Variants in CCDC28B observed in about 807,000 individuals in gnomAD.
CCDC28B encodes coiled-coil domain containing 28B, also known as coiled-coil domain-containing protein 28B.
CCDC28B carries 17 observed loss-of-function variants against 18.7 expected under a neutral mutation model. That is an observed-to-expected ratio of 0.91 (90% CI 0.62 to 1.36). The LOEUF is 1.36. Among genes scored for constraint, CCDC28B ranks in the 40% most tolerant of loss-of-function variants. The pLI is 0.00. For missense variants in CCDC28B, 213 were observed against 251.7 expected (o/e 0.85, Z 1.04); for synonymous variants, 116 against 105.1 (o/e 1.10, Z -0.64).
In CCDC28B at chr1:32,205,328, GC is replaced by G; in HGVS notation, c.*86del. ...TACAGACTCGGGCGGGTGTTCTGCG[GC>G]CCCCCAGGTGCTATGGGGGAGGGGG... is the stretch of plus-strand genomic sequence containing the variant. On this transcript the variant is annotated 3_prime_UTR_variant, in exon 6 of 6. Coordinates refer to ENST00000373602, the MANE Select transcript of CCDC28B (RefSeq NM_024296.5). The surrounding 1 kb of genome is among the most constrained non-coding windows in gnomAD (Gnocchi z 5.6). The G allele has an allele frequency of 7.0e-7, 1 of 1,422,110 alleles. No homozygotes were observed. The highest frequency in any genetic ancestry group is 9.5e-7 in the Non-Finnish European group (1 of 1,051,394). 88.1% of individuals were successfully genotyped at this position (1,422,110 alleles called of 1,614,324 possible).
chr1:32,202,376 G>A, intron 2 of CCDC28B: 1 of 620,472 alleles, frequency 1.6e-6, no homozygotes, highest in Non-Finnish European at 3.0e-6. Context: ...ACGCTGAGAG[G>A]CTTACCTGGT....
chr1:32,202,086 G>C lies in CCDC28B; in HGVS notation c.151G>C (p.Ala51Pro). The C allele has an allele frequency of 6.2e-7, 1 of 1,612,700 alleles. No individual in the cohort carries two copies. The highest frequency in any genetic ancestry group is 8.5e-7 in the Non-Finnish European group (1 of 1,179,284). ...LPHLPSPKQRAKFKRVGKEKC... is the reference protein window; with the variant it reads ...LPHLPSPKQRPKFKRVGKEKC... ...TCATCTGCCATCCCCCAAGCAGCGGGCCAAGTTCAAGAGGTGGGTACAGAA... is the reference window on the plus strand; with the variant it reads ...TCATCTGCCATCCCCCAAGCAGCGGCCCAAGTTCAAGAGGTGGGTACAGAA... The change falls in exon 2 of 6, where the codon GCC (alanine) becomes CCC (proline). Residue 51 changes from alanine (A) to proline (P), a missense_variant. Transcript: ENST00000373602.
Position 32,204,017 on chromosome 1 carries a change from T to C in CCDC28B, c.303T>C (p.Asp101=). ...MEGGLLNLLN[D]FHSGRLQAFG... is the part of the protein sequence containing the mutation. ...GGGGACTCCTGAACCTGCTCAATGA[T>C]TTCCACTCTGGCCGGCTGCAGGCCT... Residue 101 remains aspartate (D), a synonymous_variant, in exon 3 of 6, where the codon GAT becomes GAC. Transcript: ENST00000373602. The C allele has an allele frequency of 2.6e-6, 4 of 1,557,414 alleles. No individual in the cohort carries two copies. The highest frequency in any genetic ancestry group is 1.2e-5 in the South Asian group (1 of 81,390).
rs184793648 is a variant in CCDC28B, at chr1:32,200,896, A to G, written c.-24+187A>G. On this transcript the variant is annotated intron_variant, in intron 1 of 5. Coordinates refer to ENST00000373602, the MANE Select transcript of CCDC28B (RefSeq NM_024296.5). ...CACAGGCTCCGGCTCCAGTTCTTCT[A>G]TCAGGTCCCTAATTGGGTCAAGCTG... 2.6e-4 allele frequency among the ~76,000 whole-genome samples: 39 copies of G among 152,238 alleles called. No homozygotes were observed. The East Asian group carries it at 6.9e-3, about 27-fold the overall frequency.
Position 32,204,373 on chromosome 1 carries a change from T to C in CCDC28B, c.519T>C (p.Leu173=). Residue 173 remains leucine, a synonymous_variant, in exon 4 of 6, where the codon CTT becomes CTC. Transcript: ENST00000373602. ...TMADRNLDQL[L]SNLEDLSNSI... is the part of the protein sequence containing the mutation. ...CTGACCGTAACCTGGACCAGCTGCT[T>C]AGCAATGTGGGTTCATGTCTGGGTG... 1 of 1,575,590 alleles carries C rather than the reference T, an allele frequency of 6.3e-7. No individual in the cohort carries two copies. Among genetic ancestry groups the C allele is most frequent in the Non-Finnish European group, 8.6e-7 (1 of 1,160,432 alleles).
upstream of CCDC28B, among the ~76,000 whole-genome samples, chr1:32,198,761 GA>G (rs1483506187): frequency 6.6e-6 from 1 of 152,206 alleles, no homozygotes; most frequent in African/African-American, 2.4e-5. Flanking sequence ...GGGACTGGGA[GA>G]GGGGGTGAGG....
chr1:32,204,467 G>T, intron 4 of CCDC28B, 88 bp downstream of exon 4: 1 of 1,514,990 alleles, frequency 6.6e-7, no homozygotes, highest in Non-Finnish European at 8.8e-7. Context: ...GGCCCTGGGT[G>T]AAAAGGTGGG....
Position 32,204,031 on chromosome 1 carries a change from G to T in CCDC28B, c.317G>T (p.Arg106Leu). ...LNLLNDFHSG[R>L]LQAFGKECSF... ...CTGCTCAATGATTTCCACTCTGGCC[G>T]GCTGCAGGCCTTCGGTGAGTCCTGG... The change falls in exon 3 of 6, where the codon CGG (arginine) becomes CTG (leucine). Residue 106 changes from arginine (R) to leucine (L), a missense_variant. Arg to Leu is a moderately radical substitution (Grantham distance 102, BLOSUM62 -2). Transcript: ENST00000373602. The T allele has an allele frequency of 6.4e-7, 1 of 1,552,936 alleles. No individual in the cohort carries two copies. Among genetic ancestry groups the T allele is most frequent in the Non-Finnish European group, 8.7e-7 (1 of 1,150,286 alleles).
In CCDC28B at chr1:32,205,011, G is replaced by A. The variant is rs1643275721; in HGVS notation, c.549-183G>A. On this transcript the variant is annotated intron_variant, in intron 5 of 5. Coordinates refer to ENST00000373602, the MANE Select transcript of CCDC28B (RefSeq NM_024296.5). This position sits in a 1 kb window ranked among gnomAD's most constrained non-coding sequence, Gnocchi z 5.6. ...ACACCCCAGTGTGTCTGACCTGCAC[G>A]ATCTGGATGAAGAGAGAGGGGGTGA... is the stretch of plus-strand genomic sequence containing the variant. 1 of 1,181,560 alleles carries A rather than the reference G, an allele frequency of 8.5e-7. No homozygotes were observed. Among genetic ancestry groups the A allele is most frequent in the South Asian group, 1.6e-5 (1 of 62,634 alleles). 73.2% of individuals were successfully genotyped at this position (1,181,560 alleles called of 1,614,324 possible). A position where few individuals can be genotyped will look rare whatever the true frequency, so the allele number is the denominator to read the frequency against.
At chr1:32,203,688 T>C (rs960160735) in intron 2 of CCDC28B, among the ~76,000 whole-genome samples, 191 bp from the exon 3 acceptor site, 3 of 152,154 alleles carry the variant, frequency 2.0e-5, no homozygotes, top group African/African-American at 7.2e-5. Context: ...TTTTGACCTC[T>C]TCACGCCTCC....
Position 32,201,876 on chromosome 1 carries a change from G to A in CCDC28B, c.-23-37G>A. 6 of 1,514,532 alleles carry A rather than the reference G, an allele frequency of 4.0e-6. No homozygotes were observed. In the South Asian group the frequency reaches 7.8e-5, roughly 20 times the overall value. 93.8% of individuals were successfully genotyped at this position (1,514,532 alleles called of 1,614,324 possible). On this transcript the variant is annotated intron_variant, in intron 1 of 5. Transcript: ENST00000373602. ...GATTTCTGGGTGAAGGGCTAACTTT[G>A]CCCCTGGCTATCTTTGTGGGGTTGC...
chr1:32,204,186 G>A lies in CCDC28B; in HGVS notation c.332G>A (p.Gly111Glu), dbSNP rs747652526. 12 of 1,613,940 alleles carry A rather than the reference G, an allele frequency of 7.4e-6. No homozygotes were observed. Among genetic ancestry groups the A allele is most frequent in the Non-Finnish European group, 1.0e-5 (12 of 1,179,996 alleles). The change falls in exon 4 of 6, where the codon GGG becomes GAG. Residue 111 changes from glycine (G) to glutamate (E), a missense_variant and splice_region_variant. Gly to Glu is a moderately conservative substitution (Grantham distance 98, BLOSUM62 -2). Coordinates refer to ENST00000373602, the MANE Select transcript of CCDC28B (RefSeq NM_024296.5). Reference protein sequence around the residue: ...DFHSGRLQAFGKECSFEQLEH... With the variant: ...DFHSGRLQAFEKECSFEQLEH... ...GGTTCAGACAGGGGCTTCGTTCCAGGGAAGGAATGCTCCTTTGAGCAGCTG... is the reference window on the plus strand; with the variant it reads ...GGTTCAGACAGGGGCTTCGTTCCAGAGAAGGAATGCTCCTTTGAGCAGCTG...
intron 2 of CCDC28B, chr1:32,202,329 G>A (rs748298695): frequency 1.3e-5 from 9 of 685,826 alleles, no homozygotes; most frequent in South Asian, 4.5e-5. Flanking sequence ...CGCCTCAGAG[G>A]AGGGAGTGAG....
chr1:32,201,146 G>A (rs1437059757), intron 1 of CCDC28B, among the ~76,000 whole-genome samples: 2 of 151,568 alleles, frequency 1.3e-5, no homozygotes, highest in South Asian at 2.1e-4. Flanking sequence ...CTGCTGGACC[G>A]GGGACCTCGG....
chr1:32,205,136 G>C lies in CCDC28B; in HGVS notation c.549-58G>C. The C allele has an allele frequency of 2.5e-6, 4 of 1,600,048 alleles. No homozygotes were observed. The South Asian group carries it at 3.3e-5, about 13-fold the overall frequency. ...GAGGGAACTAAACCTGTGCAAGATG[G>C]GAGACCGGGGTGGGAGGAAGGACTG... On this transcript the variant is annotated intron_variant, in intron 5 of 5. Coordinates refer to ENST00000373602, the MANE Select transcript of CCDC28B (RefSeq NM_024296.5). The surrounding 1 kb of genome is among the most constrained non-coding windows in gnomAD (Gnocchi z 5.6).
At chr1:32,203,773 A>T in intron 2 of CCDC28B, 106 bp from the exon 3 acceptor site, 1 of 839,034 alleles carries the variant, frequency 1.2e-6, no homozygotes, top group Non-Finnish European at 1.7e-6. Flanking sequence ...CAGATGAGTT[A>T]GTGCAGATAG....
intron 2 of CCDC28B, chr1:32,202,440 TG>T (rs1643167510): frequency 6.9e-6 from 3 of 433,366 alleles, no homozygotes; most frequent in Admixed American, 2.8e-5. Context: ...ACAGGTGGTT[TG>T]GGGGCCCTGG....
rs1235144379 is a variant in CCDC28B at position 32,203,978 on chromosome 1, C to A, written c.264C>A (p.Val88=). ...QHSFLTEVTD[V]YEMEGGLLNL... Reference sequence around the variant, plus strand: ...CCTTCCTGACCGAGGTGACTGATGTCTATGAGATGGAGGGGGGACTCCTGA... The same window carrying A: ...CCTTCCTGACCGAGGTGACTGATGTATATGAGATGGAGGGGGGACTCCTGA... The change falls in exon 3 of 6, where the codon GTC becomes GTA. Residue 88 remains valine, a synonymous_variant. Coordinates refer to ENST00000373602, the MANE Select transcript of CCDC28B (RefSeq NM_024296.5). The A allele has an allele frequency of 2.5e-6, 4 of 1,578,348 alleles. No homozygotes were observed. The highest frequency in any genetic ancestry group is 3.4e-6 in the Non-Finnish European group (4 of 1,163,030).
upstream of CCDC28B, among the ~76,000 whole-genome samples, chr1:32,199,503 GTCTAC>G (rs1025003290): frequency 3.3e-5 from 5 of 152,200 alleles, no homozygotes; most frequent in African/African-American, 7.2e-5. Flanking sequence ...CATTACCACT[GTCTAC>G]TCTAGCAGCT....
Sources: gnomAD v4.1 joint callset for allele counts (sites outside exome capture counted in the v4.1 genomes callset) on GRCh38, gnomAD v4.1.1 for gene constraint, Gnocchi (gnomAD v3.1) non-coding constraint, MANE v1.5 for transcripts, NCBI Gene and HGNC (gene_info 2026-07-23, HGNC 2026-07-21) for gene names.